Variants in GTF2E2 observed in about 807,000 individuals in gnomAD.
GTF2E2 encodes the protein general transcription factor IIE subunit 2.
Under a neutral mutation model 40.5 loss-of-function variants are expected in GTF2E2, and 21 were observed. The ratio of observed to expected loss-of-function variants is 0.52; its 90% CI spans 0.37 to 0.75. The LOEUF is 0.75. GTF2E2 is among the 30% of genes least tolerant of loss of function. The pLI is 0.00. For missense variants in GTF2E2, 298 were observed against 338.4 expected (o/e 0.88, Z 0.94); for synonymous variants, 117 against 121.6 (o/e 0.96, Z 0.25).
chr8:30,649,184 T>A (rs923127570), intron 2 of GTF2E2, among the ~76,000 whole-genome samples: 5 of 152,068 alleles, frequency 3.3e-5, no homozygotes, highest in African/African-American at 1.2e-4. Flanking sequence ...CTACTTTGAT[T>A]TTTAAAAAAG....
chr8:30,621,300 AAATCAATGACAGAAGTAAT>A (rs1490845758), intron 3 of GTF2E2, among the ~76,000 whole-genome samples: 18 of 152,226 alleles, frequency 1.2e-4, no homozygotes, highest in Admixed American at 9.2e-4. Flanking sequence ...AATCAGAAAA[AAATCAATGACAGAAGTAAT>A]AATCAATGCA....
rs1176368493 is a variant in GTF2E2 at position 30,634,072 on chromosome 8, T to G, written c.258+960A>C. On this transcript the variant is annotated intron_variant, in intron 3 of 7. Transcript: ENST00000355904. ...CTAGTAACTAATCGTGAATAAGAGT[T>G]TGGCAAAAGAAGGGAGCAAATTTGA... Among the ~76,000 whole-genome samples the G allele has an allele frequency of 4.6e-5, 7 of 152,198 alleles. No homozygotes were observed. In the East Asian group the frequency reaches 1.3e-3, roughly 29 times the overall value.
At position 30,658,084 on chromosome 8, in the gene GTF2E2, C is replaced by G. The variant is rs1033957700; in HGVS notation, c.-116G>C. Reference sequence around the variant, plus strand: ...TCTTCCTGCTTCTCGTCAGCGCCCCCGCCTGCCCGCACGCACGCCCAGCGC... The same window carrying G: ...TCTTCCTGCTTCTCGTCAGCGCCCCGGCCTGCCCGCACGCACGCCCAGCGC... On this transcript the variant is annotated 5_prime_UTR_variant, in exon 1 of 8. Transcript: ENST00000355904. 4.3e-5 allele frequency: 7 copies of G among 161,468 alleles called. No homozygotes were observed. Among genetic ancestry groups the G allele is most frequent in the Non-Finnish European group, 9.4e-5 (7 of 74,150 alleles). The allele number at this position is 161,468 out of a possible 1,614,324, so 10.0% of individuals were successfully genotyped here. A position where few individuals can be genotyped will look rare whatever the true frequency, so the allele number is the denominator to read the frequency against.
rs553826081 is a variant in GTF2E2 at position 30,586,201 on chromosome 8, T to C, written c.644-5805A>G. ...TTTTATCCTCAAAAGTGTCATTATATCCACTTTGCAGTTCCAGAAAATAGG... is the reference window on the plus strand; with the variant it reads ...TTTTATCCTCAAAAGTGTCATTATACCCACTTTGCAGTTCCAGAAAATAGG... On this transcript the variant is annotated intron_variant, in intron 6 of 7. Transcript: ENST00000355904. Among the ~76,000 whole-genome samples the C allele has an allele frequency of 2.0e-5, 3 of 152,326 alleles. No individual in the cohort carries two copies. The East Asian group carries it at 5.8e-4, about 29-fold the overall frequency.
At chr8:30,650,345 T>C (rs1236139091) in intron 2 of GTF2E2, among the ~76,000 whole-genome samples, 1 of 152,128 alleles carries the variant, frequency 6.6e-6, no homozygotes. Context: ...AACATGCTCA[T>C]CTCATTAGAT....
At chr8:30,620,196 G>A (rs1801045528) in intron 3 of GTF2E2, among the ~76,000 whole-genome samples, 1 of 151,560 alleles carries the variant, frequency 6.6e-6, no homozygotes, top group Admixed American at 6.6e-5. Flanking sequence ...CACTAAAGTT[G>A]TGGTAATTTA....
intron 2 of GTF2E2, among the ~76,000 whole-genome samples, chr8:30,644,317 T>A (rs1360386622): frequency 6.6e-6 from 1 of 152,210 alleles, no homozygotes; most frequent in African/African-American, 2.4e-5. Context: ...TGAATTTGTC[T>A]GTTTTTTTAA....
intron 3 of GTF2E2, among the ~76,000 whole-genome samples, chr8:30,619,200 G>A (rs560846696): frequency 9.2e-5 from 14 of 152,022 alleles, no homozygotes; most frequent in South Asian, 2.1e-4. Context: ...TCAGCCTCCC[G>A]AAGTGTTGGG....
rs891435815 is a variant in GTF2E2 at position 30,578,529 on chromosome 8, T to C, written c.*392A>G. Reference sequence around the variant, plus strand: ...TTCACTAACATCTTAAAAATCCTTCTACAGTGATTTTATTATAAATATGTT... The same window carrying C: ...TTCACTAACATCTTAAAAATCCTTCCACAGTGATTTTATTATAAATATGTT... On this transcript the variant is annotated 3_prime_UTR_variant, in exon 8 of 8. Transcript: ENST00000355904. 6.2e-6 allele frequency: 1 copy of C among 161,372 alleles called. No homozygotes were observed. The highest frequency in any genetic ancestry group is 2.4e-5 in the African/African-American group (1 of 41,596). 10.0% of individuals were successfully genotyped at this position (161,372 alleles called of 1,614,324 possible). A position where few individuals can be genotyped will look rare whatever the true frequency, so the allele number is the denominator to read the frequency against.
intron 6 of GTF2E2, among the ~76,000 whole-genome samples, chr8:30,595,810 C>T (rs1037223006): frequency 1.3e-5 from 2 of 150,678 alleles, no homozygotes; most frequent in African/African-American, 4.9e-5. Context: ...CTCGCCTGGG[C>T]CACAGAGTCA....
At position 30,614,375 on chromosome 8, in the gene GTF2E2, T is replaced by TC. The variant is rs541419495; in HGVS notation, c.366+232_366+233insG. Among the ~76,000 whole-genome samples the TC allele has an allele frequency of 2.0e-4, 30 of 151,708 alleles. No homozygotes were observed. In the East Asian group the frequency reaches 5.8e-3, roughly 30 times the overall value. On this transcript the variant is annotated intron_variant, in intron 4 of 7. Transcript: ENST00000355904. The stretch of plus-strand genomic sequence containing the variant: ...TGGGCGGATCACTTGAGGTCAGGAG[T>TC]TCAACACCAGCCTGGCCAACATGGT...
At chr8:30,641,776 C>G (rs767587306) in intron 2 of GTF2E2, among the ~76,000 whole-genome samples, 1 of 152,050 alleles carries the variant, frequency 6.6e-6, no homozygotes, top group Non-Finnish European at 1.5e-5. Context: ...ATTCGGGAGG[C>G]TGAGGCAGGA....
At chr8:30,636,299 CAA>C (rs1801596840) in intron 2 of GTF2E2, among the ~76,000 whole-genome samples, 1 of 152,108 alleles carries the variant, frequency 6.6e-6, no homozygotes, top group Non-Finnish European at 1.5e-5. Flanking sequence ...GGCTGATCCA[CAA>C]AGAGAGAGGT....
At chr8:30,610,526 C>T (rs1829451546) in intron 5 of GTF2E2, among the ~76,000 whole-genome samples, 1 of 151,202 alleles carries the variant, frequency 6.6e-6, no homozygotes, top group Non-Finnish European at 1.5e-5. Flanking sequence ...GAATAGAGGG[C>T]CCAGAAATAA....
chr8:30,594,269 CT>C (rs1828932418), intron 6 of GTF2E2, among the ~76,000 whole-genome samples: 1 of 146,618 alleles, frequency 6.8e-6, no homozygotes, highest in South Asian at 2.2e-4. Flanking sequence ...CTTTTTTTTT[CT>C]TTTTTTAGAC....
At chr8:30,655,491 T>C (rs1411615717) in intron 1 of GTF2E2, among the ~76,000 whole-genome samples, 1 of 152,212 alleles carries the variant, frequency 6.6e-6, no homozygotes, top group African/African-American at 2.4e-5. Context: ...TGAAAGCTTT[T>C]AAGCACAGAT....
chr8:30,607,437 G>A (rs940086885), intron 5 of GTF2E2, among the ~76,000 whole-genome samples: 4 of 151,924 alleles, frequency 2.6e-5, no homozygotes, highest in African/African-American at 7.3e-5. Context: ...TTGCCACCAC[G>A]TCTAGCTAAT....
chr8:30,579,609 A>AT (rs1373359697), intron 7 of GTF2E2, among the ~76,000 whole-genome samples: 1 of 152,074 alleles, frequency 6.6e-6, no homozygotes, highest in Non-Finnish European at 1.5e-5. Flanking sequence ...CCAAACACAC[A>AT]TGCCCACCCC....
chr8:30,613,657 A>T (rs1585965344), intron 4 of GTF2E2, among the ~76,000 whole-genome samples: 2 of 152,368 alleles, frequency 1.3e-5, no homozygotes, highest in African/African-American at 4.8e-5. Context: ...ACAATGAACT[A>T]CAATTATACT....
Sources: gnomAD v4.1 joint callset for allele counts (sites outside exome capture counted in the v4.1 genomes callset) on GRCh38, gnomAD v4.1.1 for gene constraint, MANE v1.5 for transcripts, NCBI Gene and HGNC (gene_info 2026-07-23, HGNC 2026-07-21) for gene names.